Variants in KCNQ1OT1 observed in about 807,000 individuals in gnomAD.
The protein encoded by KCNQ1OT1 is KCNQ1 opposite strand/antisense transcript 1.
Position 2,678,606 on chromosome 11 carries a change from C to T in KCNQ1OT1, n.21389G>A. ...ACTTATCTGTGTAGCAGGACTCCCC[C>T]TCATCTCCATTACTTAAGAGCCAAT... On this transcript the variant is annotated non_coding_transcript_exon_variant, in exon 1 of 1. Transcript: ENST00000597346. The surrounding 1 kb of genome is among the most constrained non-coding windows in gnomAD (Gnocchi z 4.9). 2.5e-6 allele frequency: 1 copy of T among 398,606 alleles called. No homozygotes were observed. The highest frequency in any genetic ancestry group is 4.4e-6 in the Non-Finnish European group (1 of 226,070). 24.7% of individuals were successfully genotyped at this position (398,606 alleles called of 1,614,324 possible). A position where few individuals can be genotyped will look rare whatever the true frequency, so the allele number is the denominator to read the frequency against.
At chr11:2,632,692 G>A (rs920831249) in exon 1 of KCNQ1OT1, 7 of 398,176 alleles carry the variant, frequency 1.8e-5, no homozygotes, top group Non-Finnish European at 3.1e-5. Context: ...CCATCTTTCT[G>A]TGCCTAATTT....
At chr11:2,630,518 C>T (rs1354218394) in exon 1 of KCNQ1OT1, 1 of 398,144 alleles carries the variant, frequency 2.5e-6, no homozygotes, top group Non-Finnish European at 4.4e-6. Flanking sequence ...CCCCAAGGTA[C>T]ACCTTTTAAT....
chr11:2,692,272 T>A (rs1457598578), exon 1 of KCNQ1OT1: 3 of 398,804 alleles, frequency 7.5e-6, no homozygotes, highest in South Asian at 2.5e-4. Context: ...ACTTCACCCA[T>A]CCATAGTTCT....
chr11:2,649,393 T>G (rs918111285), exon 1 of KCNQ1OT1: 2 of 398,468 alleles, frequency 5.0e-6, no homozygotes, highest in African/African-American at 4.1e-5. Context: ...TATGCTTTTG[T>G]AGTTTCATGA....
exon 1 of KCNQ1OT1, chr11:2,693,461 T>C: frequency 2.5e-6 from 1 of 398,700 alleles, no homozygotes; most frequent in Non-Finnish European, 4.4e-6. Context: ...CCCCATTCTC[T>C]AATGCTAATT....
exon 1 of KCNQ1OT1, chr11:2,634,165 T>C: frequency 2.5e-6 from 1 of 396,772 alleles, no homozygotes; most frequent in Non-Finnish European, 4.4e-6. Flanking sequence ...CTCTTTTCTC[T>C]CTCTCTCCCT....
In KCNQ1OT1 at chr11:2,668,772, T is replaced by C. The variant is rs1178125230; in HGVS notation, n.31223A>G. On this transcript the variant is annotated non_coding_transcript_exon_variant, in exon 1 of 1. Transcript: ENST00000597346. This position sits in a 1 kb window ranked among gnomAD's most constrained non-coding sequence, Gnocchi z 4.3. ...GGCTGCCTTCTTCCTCTCTTGATGG[T>C]GTCTTTTGATGAACAGAAGGTCTTA... 1 of 398,502 alleles carries C rather than the reference T, an allele frequency of 2.5e-6. No individual in the cohort carries two copies. The highest frequency in any genetic ancestry group is 4.4e-6 in the Non-Finnish European group (1 of 226,062). 24.7% of individuals were successfully genotyped at this position (398,502 alleles called of 1,614,324 possible).
chr11:2,654,420 T>A lies in KCNQ1OT1; in HGVS notation n.45575A>T, dbSNP rs1849805282. ...GCCTGTGCCAAACCCTGGGGAGACATGGGTGAGGCAGAAGGCAAGGTTCCC... is the reference window on the plus strand; with the variant it reads ...GCCTGTGCCAAACCCTGGGGAGACAAGGGTGAGGCAGAAGGCAAGGTTCCC... On this transcript the variant is annotated non_coding_transcript_exon_variant, in exon 1 of 1. Transcript: ENST00000597346. The surrounding 1 kb of genome is among the most constrained non-coding windows in gnomAD (Gnocchi z 6.4). 2 of 397,922 alleles carry A rather than the reference T, an allele frequency of 5.0e-6. No homozygotes were observed. Among genetic ancestry groups the A allele is most frequent in the Admixed American group, 8.8e-5 (2 of 22,682 alleles). 24.6% of individuals were successfully genotyped at this position (397,922 alleles called of 1,614,324 possible).
In KCNQ1OT1 at chr11:2,671,095, AGTTAGTCTGAGC is replaced by A. The variant is rs1392815338; in HGVS notation, n.28888_28899del. 7.9e-6 allele frequency: 1 copy of A among 126,216 alleles called. No homozygotes were observed. The highest frequency in any genetic ancestry group is 1.1e-5 in the Non-Finnish European group (1 of 87,382). 7.8% of individuals were successfully genotyped at this position (126,216 alleles called of 1,614,324 possible). A position where few individuals can be genotyped will look rare whatever the true frequency, so the allele number is the denominator to read the frequency against. Reference sequence around the variant, plus strand: ...ACTGGCTAGCAGGAGGAAGTCTGGCAGTTAGTCTGAGCAGTTAGTCTGTCAGGCCTGGTTGGT... The same window carrying A: ...ACTGGCTAGCAGGAGGAAGTCTGGCAAGTTAGTCTGTCAGGCCTGGTTGGT... On this transcript the variant is annotated non_coding_transcript_exon_variant, in exon 1 of 1. Transcript: ENST00000597346. This position sits in a 1 kb window ranked among gnomAD's most constrained non-coding sequence, Gnocchi z 4.7.
At chr11:2,665,189 AAC>A in exon 1 of KCNQ1OT1, 1 of 398,714 alleles carries the variant, frequency 2.5e-6, no homozygotes, top group Non-Finnish European at 4.4e-6. Context: ...CTCAGCCTCG[AAC>A]ACACCTTTCA....
chr11:2,610,716 C>CTTTTTTTT (rs1167505141), exon 1 of KCNQ1OT1: 135 of 229,972 alleles, frequency 5.9e-4, no homozygotes, highest in East Asian at 4.1e-3. Context: ...TCTTGGTTGG[C>CTTTTTTTT]TTTTTTTTTT....
chr11:2,631,143 A>G (rs1231225237), exon 1 of KCNQ1OT1: 1 of 398,438 alleles, frequency 2.5e-6, no homozygotes, highest in Non-Finnish European at 4.4e-6. Flanking sequence ...CAGATATGGG[A>G]AGTTTTCAGC....
chr11:2,619,801 T>G (rs1023948231), exon 1 of KCNQ1OT1: 3 of 398,428 alleles, frequency 7.5e-6, no homozygotes, highest in African/African-American at 6.2e-5. Context: ...TGGGTAGTAT[T>G]CAGTCATGAA....
At chr11:2,667,874 C>G (rs1390478735) in exon 1 of KCNQ1OT1, 1 of 398,528 alleles carries the variant, frequency 2.5e-6, no homozygotes, top group Admixed American at 4.4e-5. Flanking sequence ...GATTAGTACA[C>G]AGGTCTCAAG....
chr11:2,656,747 C>T (rs1849856811), exon 1 of KCNQ1OT1: 1 of 398,414 alleles, frequency 2.5e-6, no homozygotes, highest in African/African-American at 2.1e-5. Context: ...TCAGTCTTCT[C>T]TCTCATGGTT....
exon 1 of KCNQ1OT1, chr11:2,632,535 G>C: frequency 2.5e-6 from 1 of 398,128 alleles, no homozygotes; most frequent in Admixed American, 4.4e-5. Context: ...TTTATTTTTA[G>C]TCAACATGTA....
chr11:2,635,789 A>C (rs1486778056), exon 1 of KCNQ1OT1: 3 of 152,162 alleles, frequency 2.0e-5, no homozygotes, highest in Non-Finnish European at 4.4e-5. Flanking sequence ...GGCCATTTTC[A>C]TGATACTGAT....
exon 1 of KCNQ1OT1, chr11:2,675,868 G>A (rs943511346): frequency 1.5e-5 from 6 of 398,578 alleles, no homozygotes; most frequent in African/African-American, 1.0e-4. Context: ...CCTGCCTTCT[G>A]GGGAGCCAAT....
In KCNQ1OT1 at chr11:2,677,274, T is replaced by C. The variant is rs1170378686; in HGVS notation, n.22721A>G. ...AAGAGGAACTTATAAAGAGGAACTG[T>C]AAATCTTGTCAAAATAGGAGATTTC... On this transcript the variant is annotated non_coding_transcript_exon_variant, in exon 1 of 1. Transcript: ENST00000597346. The surrounding 1 kb of genome is among the most constrained non-coding windows in gnomAD (Gnocchi z 4.5). 2 of 398,524 alleles carry C rather than the reference T, an allele frequency of 5.0e-6. No homozygotes were observed. Among genetic ancestry groups the C allele is most frequent in the Non-Finnish European group, 8.8e-6 (2 of 226,076 alleles). 24.7% of individuals were successfully genotyped at this position (398,524 alleles called of 1,614,324 possible). A position where few individuals can be genotyped will look rare whatever the true frequency, so the allele number is the denominator to read the frequency against.
Sources: gnomAD v4.1 joint callset for allele counts on GRCh38, gnomAD v4.1.1 for gene constraint, Gnocchi (gnomAD v3.1) non-coding constraint, MANE v1.5 for transcripts, NCBI Gene and HGNC (gene_info 2026-07-23, HGNC 2026-07-21) for gene names.